ATP11C: variants seen among roughly 807,000 people sequenced by gnomAD.
ATP11C encodes the protein ATPase phospholipid transporting 11C (ATP11C blood group).
Under a neutral mutation model 97.4 loss-of-function variants are expected in ATP11C, and 36 were observed. The observed-to-expected ratio is 0.37, with a 90% CI of 0.28 to 0.49. The LOEUF (loss-of-function observed/expected upper bound fraction) is 0.49. Ranked by LOEUF, ATP11C falls within the 20% of genes least tolerant of loss-of-function variation. The pLI is 0.98. For missense variants in ATP11C, 730 were observed against 824.6 expected (o/e 0.89, Z 1.40); for synonymous variants, 275 against 290.9 (o/e 0.95, Z 0.56).
At chrX:139,796,758 ATG>A (rs1425072731) in intron 11 of ATP11C, among the ~76,000 whole-genome samples, 2 of 111,187 alleles carry the variant, frequency 1.8e-5, no homozygotes, top group African/African-American at 3.3e-5. Context: ...TAAGATAGGA[ATG>A]TGAGATCAAA....
chrX:139,765,928 T>C (rs1305585214), intron 20 of ATP11C, among the ~76,000 whole-genome samples: 1 of 111,881 alleles, frequency 8.9e-6, no homozygotes, highest in Non-Finnish European at 1.9e-5. Flanking sequence ...TGACTAAGAC[T>C]ACAATGAAAG....
chrX:139,778,919 A>C (rs139357073), intron 18 of ATP11C, among the ~76,000 whole-genome samples: 1,989 of 111,958 alleles, frequency 0.018, 24 homozygotes, highest in Middle Eastern at 0.027. Context: ...AATAGAAGAC[A>C]AAAAGGAGCA....
At position 139,787,301 on chromosome X, in the gene ATP11C, A is replaced by T. The variant is rs190029873; in HGVS notation, c.1521-57T>A. The T allele has an allele frequency of 4.6e-5, 47 of 1,011,524 alleles. No individual in the cohort carries two copies. The East Asian group carries it at 1.1e-3, about 24-fold the overall frequency. 83.4% of individuals were successfully genotyped at this position (1,011,524 alleles called of 1,213,427 possible). A position where few individuals can be genotyped will look rare whatever the true frequency, so the allele number is the denominator to read the frequency against. ...TCTCTAAAGAATGATTAATTTTTTTATTATTATTTTTTTTGAGACAGAGTC... is the reference window on the plus strand; with the variant it reads ...TCTCTAAAGAATGATTAATTTTTTTTTTATTATTTTTTTTGAGACAGAGTC... On this transcript the variant is annotated intron_variant, in intron 14 of 29. Coordinates refer to ENST00000682941, the MANE Select transcript of ATP11C (RefSeq NM_001353812.2).
chrX:139,825,356 T>G (rs1179206862), intron 2 of ATP11C, among the ~76,000 whole-genome samples: 1 of 111,727 alleles, frequency 9.0e-6, no homozygotes, highest in South Asian at 3.7e-4. Flanking sequence ...TAAGACCATT[T>G]AGCTCTACAA....
At chrX:139,853,930 C>G (rs185318985) in intron 1 of ATP11C, among the ~76,000 whole-genome samples, 1 of 103,289 alleles carries the variant, frequency 9.7e-6, no homozygotes, top group African/African-American at 3.6e-5. Context: ...TTAACATTAA[C>G]GACGGATAAT....
Position 139,754,017 on chromosome X carries a change from A to G in ATP11C, c.2700+3791T>C, listed in dbSNP as rs1242397339. ...AACTGAGATGCAAAAAAACCATACAAAAGACCAAGAAATCCAGGAGATGGT... is the reference window on the plus strand; with the variant it reads ...AACTGAGATGCAAAAAAACCATACAGAAGACCAAGAAATCCAGGAGATGGT... On this transcript the variant is annotated intron_variant, in intron 23 of 29. Coordinates refer to ENST00000682941, the MANE Select transcript of ATP11C (RefSeq NM_001353812.2). 2.7e-5 allele frequency among the ~76,000 whole-genome samples: 3 copies of G among 111,127 alleles called. 1 individual carries two copies. The highest frequency in any genetic ancestry group is 9.8e-5 in the African/African-American group (3 of 30,544).
chrX:139,762,976 C>T (rs1264556657), intron 21 of ATP11C, among the ~76,000 whole-genome samples: 1 of 112,342 alleles, frequency 8.9e-6, no homozygotes, highest in Non-Finnish European at 1.9e-5. Context: ...AGCAGGCAGT[C>T]TGGCCAGGGG....
intron 12 of ATP11C, among the ~76,000 whole-genome samples, chrX:139,795,301 T>G (rs2082770188): frequency 9.0e-6 from 1 of 111,674 alleles, no homozygotes; most frequent in South Asian, 3.8e-4. Context: ...GCAGTTGTCA[T>G]GTGGGTACTT....
At chrX:139,810,861 T>A (rs765941074) in intron 5 of ATP11C, among the ~76,000 whole-genome samples, 178 of 107,820 alleles carry the variant, frequency 1.7e-3, no homozygotes, top group Middle Eastern at 4.7e-3. Flanking sequence ...GTTCTCTAAA[T>A]TCAGAGTTTT....
intron 28 of ATP11C, among the ~76,000 whole-genome samples, chrX:139,734,472 A>C (rs1391332855): frequency 1.8e-5 from 2 of 111,705 alleles, no homozygotes; most frequent in East Asian, 2.8e-4. Flanking sequence ...GGTGACTTAC[A>C]TGAGAAAACT....
chrX:139,825,814 G>A (rs2083514762), intron 2 of ATP11C, among the ~76,000 whole-genome samples: 1 of 112,642 alleles, frequency 8.9e-6, no homozygotes, highest in Non-Finnish European at 1.9e-5. Flanking sequence ...CAGGGCACAT[G>A]AGGAAGTGAG....
At chrX:139,860,108 A>G (rs1264491186) in intron 1 of ATP11C, among the ~76,000 whole-genome samples, 1 of 79,850 alleles carries the variant, frequency 1.3e-5, no homozygotes, top group Non-Finnish European at 2.0e-5. Flanking sequence ...CCGTCTCAAA[A>G]AAAAAAAAAA....
chrX:139,782,581 T>C lies in ATP11C; in HGVS notation c.1918A>G (p.Met640Val). The change falls in exon 18 of 30, where the codon ATG (methionine) becomes GTG (valine). Residue 640 changes from methionine (M) to valine (V), a missense_variant. Transcript: ENST00000682941. Reference sequence around the variant, plus strand: ...ACTGCAGTGGCTCCAATTAAATTCATGTTTGTCTCAATATCATCGAAAACT... The same window carrying C: ...ACTGCAGTGGCTCCAATTAAATTCACGTTTGTCTCAATATCATCGAAAACT... ...EKVFDDIETN[M>V]NLIGATAVED... The C allele has an allele frequency of 8.3e-7, 1 of 1,206,584 alleles. No individual in the cohort carries two copies. The highest frequency in any genetic ancestry group is 2.2e-5 in the Admixed American group (1 of 45,422).
intron 1 of ATP11C, among the ~76,000 whole-genome samples, chrX:139,914,035 G>A (rs1234093059): frequency 3.6e-5 from 4 of 111,745 alleles, no homozygotes; most frequent in South Asian, 3.8e-4. Flanking sequence ...TCGCTCACTC[G>A]TAGACTCTAA....
chrX:139,902,685 T>C (rs920681354), intron 1 of ATP11C, among the ~76,000 whole-genome samples: 1 of 111,438 alleles, frequency 9.0e-6, no homozygotes, highest in African/African-American at 3.3e-5. Context: ...CTAACTGTGA[T>C]TGCAGCTATA....
chrX:139,917,513 G>A (rs950124944), intron 1 of ATP11C, among the ~76,000 whole-genome samples: 12 of 111,388 alleles, frequency 1.1e-4, no homozygotes, highest in African/African-American at 3.9e-4. Context: ...TAACCCCCCC[G>A]CAACCAAAAT....
chrX:139,918,086 G>T (rs1387721712), intron 1 of ATP11C, among the ~76,000 whole-genome samples: 1 of 109,464 alleles, frequency 9.1e-6, no homozygotes, highest in African/African-American at 3.3e-5. Flanking sequence ...AAACAGTACA[G>T]AAGTTCCTCA....
At chrX:139,861,053 G>C (rs1376149311) in intron 1 of ATP11C, among the ~76,000 whole-genome samples, 1 of 111,908 alleles carries the variant, frequency 8.9e-6, no homozygotes, top group Non-Finnish European at 1.9e-5. Context: ...GACCAGAGAG[G>C]AAGAAGTAGG....
At chrX:139,905,715 A>G (rs1569489749) in intron 1 of ATP11C, among the ~76,000 whole-genome samples, 1 of 111,630 alleles carries the variant, frequency 9.0e-6, no homozygotes, top group Non-Finnish European at 1.9e-5. Flanking sequence ...TACGTATTTT[A>G]TGTAAAAATG....
Sources: gnomAD v4.1 joint callset for allele counts (sites outside exome capture counted in the v4.1 genomes callset) on GRCh38, gnomAD v4.1.1 for gene constraint, MANE v1.5 for transcripts, NCBI Gene and HGNC (gene_info 2026-07-23, HGNC 2026-07-21) for gene names.